The following RBFOX1 variants were observed in gnomAD, a reference collection of about 807,000 sequenced individuals.
RBFOX1 encodes RNA binding protein fox-1 homolog 1.
Under a neutral mutation model 57.7 loss-of-function variants are expected in RBFOX1, and 8 were observed. The ratio of observed to expected loss-of-function variants is 0.14; its 90% CI spans 0.08 to 0.25. RBFOX1 has a LOEUF of 0.25. Ranked by LOEUF, RBFOX1 falls within the 10% of genes least tolerant of loss-of-function variation. The probability of loss-of-function intolerance (pLI) is 1.00; values close to 1 mark genes in which losing one functional copy is unlikely to be tolerated. For synonymous variants in RBFOX1, 326 were observed against 222.4 expected (o/e 1.47, Z -4.15); for missense variants, 611 against 548.5 (o/e 1.11, Z -1.14).
chr16:7,407,494 A>G (rs887721448), intron 4 of RBFOX1, among the ~76,000 whole-genome samples: 3 of 152,068 alleles, frequency 2.0e-5, no homozygotes, highest in African/African-American at 4.8e-5. Flanking sequence ...CATCAATCAT[A>G]TGCATCTTTG....
intron 3 of RBFOX1, among the ~76,000 whole-genome samples, chr16:6,927,806 GA>G (rs1270971106): frequency 2.0e-5 from 3 of 152,118 alleles, no homozygotes; most frequent in Non-Finnish European, 4.4e-5. Flanking sequence ...CCACCCTAAA[GA>G]GCCAGAAGCC....
At chr16:5,370,283 C>G (rs1369512669) in intron 1 of RBFOX1, among the ~76,000 whole-genome samples, 1 of 152,018 alleles carries the variant, frequency 6.6e-6, no homozygotes, top group Non-Finnish European at 1.5e-5. Flanking sequence ...AGACAAGCCC[C>G]CAAGCGTGAG....
At chr16:7,072,101 A>C (rs2057453074) in intron 4 of RBFOX1, among the ~76,000 whole-genome samples, 1 of 152,138 alleles carries the variant, frequency 6.6e-6, no homozygotes, top group Non-Finnish European at 1.5e-5. Context: ...TGTTCCTTTT[A>C]CGGTAAACAT....
At chr16:6,401,518 T>G (rs1484444538) in intron 2 of RBFOX1, among the ~76,000 whole-genome samples, 3 of 152,178 alleles carry the variant, frequency 2.0e-5, no homozygotes, top group Non-Finnish European at 4.4e-5. Flanking sequence ...GATCTTTTAT[T>G]TGGATTTATA....
intron 3 of RBFOX1, among the ~76,000 whole-genome samples, chr16:5,686,757 G>A (rs538733417): frequency 6.6e-6 from 1 of 152,248 alleles, no homozygotes; most frequent in African/African-American, 2.4e-5. Flanking sequence ...AATAACAAAT[G>A]AAAGTATTTT....
intron 1 of RBFOX1, among the ~76,000 whole-genome samples, chr16:6,157,101 C>T (rs1326450415): frequency 6.6e-6 from 1 of 151,984 alleles, no homozygotes; most frequent in Non-Finnish European, 1.5e-5. Context: ...TCCCAAAGCG[C>T]TGGGATTAGA....
intron 4 of RBFOX1, among the ~76,000 whole-genome samples, chr16:5,928,987 T>G (rs2058992432): frequency 6.7e-6 from 1 of 149,516 alleles, no homozygotes; most frequent in African/African-American, 2.5e-5. Flanking sequence ...AGCTGTGAGC[T>G]GGTCCCTAAG....
intron 4 of RBFOX1, among the ~76,000 whole-genome samples, chr16:7,168,791 T>C (rs920281873): frequency 6.6e-6 from 1 of 152,212 alleles, no homozygotes; most frequent in Non-Finnish European, 1.5e-5. Context: ...TACAACAATT[T>C]TGCCAATAAA....
intron 2 of RBFOX1, among the ~76,000 whole-genome samples, chr16:6,336,817 T>C (rs975295012): frequency 1.3e-5 from 2 of 152,130 alleles, no homozygotes; most frequent in Non-Finnish European, 2.9e-5. Flanking sequence ...AGAGAAGACA[T>C]AGAAAATCCT....
intron 1 of RBFOX1, among the ~76,000 whole-genome samples, chr16:6,168,238 C>G (rs189316148): frequency 6.6e-6 from 1 of 152,214 alleles, no homozygotes; most frequent in Non-Finnish European, 1.5e-5. Context: ...AATCTGTTCA[C>G]ATGAGAAAGA....
chr16:6,638,362 A>C (rs1005660002), intron 2 of RBFOX1, among the ~76,000 whole-genome samples: 1 of 152,096 alleles, frequency 6.6e-6, no homozygotes, highest in Admixed American at 6.6e-5. Flanking sequence ...ATACATGTTC[A>C]TTTTTTCTTC....
rs1376175269 is a variant in RBFOX1, at chr16:5,803,278, A to T, written c.319-64025A>T. 2.0e-5 allele frequency among the ~76,000 whole-genome samples: 3 copies of T among 152,174 alleles called. No homozygotes were observed. The East Asian group carries it at 5.8e-4, about 29-fold the overall frequency. On this transcript the variant is annotated intron_variant, in intron 3 of 19. Coordinates refer to the RBFOX1 transcript ENST00000641259. ...CCTGAGCTTGGTTCGTCTCTGACAA[A>T]CACAGGCTCTAAGAGTTCCTTTGTA...
At chr16:7,327,828 C>G (rs115216015) in intron 4 of RBFOX1, among the ~76,000 whole-genome samples, 2 of 150,446 alleles carry the variant, frequency 1.3e-5, no homozygotes, top group East Asian at 1.9e-4. Context: ...TTTTTTTACA[C>G]TGTGCAGACA....
intron 1 of RBFOX1, among the ~76,000 whole-genome samples, chr16:6,076,530 C>G (rs1291373665): frequency 6.6e-6 from 1 of 151,920 alleles, no homozygotes. Context: ...GACAGTGGTG[C>G]GATCATAGCT....
intron 3 of RBFOX1, among the ~76,000 whole-genome samples, chr16:5,848,069 C>G (rs184572016): frequency 2.6e-5 from 4 of 152,240 alleles, no homozygotes; most frequent in Non-Finnish European, 4.4e-5. Flanking sequence ...GAATGTGTGT[C>G]CGGAGCTCTG....
intron 1 of RBFOX1, among the ~76,000 whole-genome samples, chr16:6,076,106 C>T (rs886745040): frequency 2.0e-5 from 3 of 152,142 alleles, no homozygotes; most frequent in South Asian, 2.1e-4. Context: ...CAAAACCAGC[C>T]TGACCAACAT....
intron 4 of RBFOX1, among the ~76,000 whole-genome samples, chr16:7,393,900 G>T (rs2098090592): frequency 6.6e-6 from 1 of 152,080 alleles, no homozygotes; most frequent in African/African-American, 2.4e-5. Context: ...CAGGAAGATG[G>T]TTCATCAAGC....
chr16:5,485,767 T>C (rs1218517315), intron 2 of RBFOX1, among the ~76,000 whole-genome samples: 1 of 152,178 alleles, frequency 6.6e-6, no homozygotes, highest in African/African-American at 2.4e-5. Flanking sequence ...ACTTCAAAAG[T>C]GCTTGTGAGT....
chr16:7,691,630 G>C (rs1196597419), intron 14 of RBFOX1, among the ~76,000 whole-genome samples: 2 of 152,068 alleles, frequency 1.3e-5, no homozygotes, highest in African/African-American at 4.8e-5. Context: ...ATTCATACTT[G>C]TAGGTTGCAT....
Sources: gnomAD v4.1 joint callset for allele counts (sites outside exome capture counted in the v4.1 genomes callset) on GRCh38, gnomAD v4.1.1 for gene constraint, MANE v1.5 for transcripts, NCBI Gene and HGNC (gene_info 2026-07-23, HGNC 2026-07-21) for gene names.